Variants in PTPRD observed in about 807,000 individuals in gnomAD.
The protein encoded by PTPRD is receptor-type tyrosine-protein phosphatase delta.
PTPRD carries 34 observed loss-of-function variants against 214.5 expected under a neutral mutation model. The observed-to-expected ratio is 0.16, with a 90% CI of 0.12 to 0.21. The LOEUF (loss-of-function observed/expected upper bound fraction) is 0.21, where lower values mean the gene tolerates loss of function less well. Ranked by LOEUF, PTPRD falls within the 10% of genes least tolerant of loss-of-function variation. The pLI is 1.00. For synonymous variants in PTPRD, 1,128 were observed against 845.7 expected (o/e 1.33, Z -5.79); for missense variants, 2,545 against 2,398.7 (o/e 1.06, Z -1.27).
At chr9:10,407,105 A>T (rs771051960) in intron 2 of PTPRD, among the ~76,000 whole-genome samples, 6 of 151,758 alleles carry the variant, frequency 4.0e-5, no homozygotes, top group Non-Finnish European at 8.9e-5. Context: ...CAACAAATTT[A>T]AAAAATGCCA....
chr9:10,439,654 C>G (rs551611434), intron 2 of PTPRD, among the ~76,000 whole-genome samples: 1 of 151,196 alleles, frequency 6.6e-6, no homozygotes, highest in African/African-American at 2.4e-5. Flanking sequence ...TAAAAAAGAA[C>G]AAAATAACAA....
intron 4 of PTPRD, among the ~76,000 whole-genome samples, chr9:9,962,497 C>T (rs1418581711): frequency 1.3e-5 from 2 of 151,966 alleles, no homozygotes; most frequent in East Asian, 3.9e-4. Flanking sequence ...ATTTAAAGCA[C>T]AATTCACCCA....
At chr9:8,513,986 A>T (rs1205377193) in intron 21 of PTPRD, among the ~76,000 whole-genome samples, 2 of 152,134 alleles carry the variant, frequency 1.3e-5, no homozygotes, top group Non-Finnish European at 2.9e-5. Context: ...AGTTAAACAG[A>T]GTGGGAATAA....
At chr9:8,538,901 G>C (rs891128205) in intron 14 of PTPRD, among the ~76,000 whole-genome samples, 4 of 151,848 alleles carry the variant, frequency 2.6e-5, no homozygotes, top group Admixed American at 1.3e-4. Context: ...AAACTCCTTA[G>C]AGAAATCACT....
intron 35 of PTPRD, among the ~76,000 whole-genome samples, chr9:8,424,231 C>A (rs780214435): frequency 6.6e-6 from 1 of 152,116 alleles, no homozygotes; most frequent in Non-Finnish European, 1.5e-5. Context: ...ATCACCTTAA[C>A]AGATAAGTTA....
In PTPRD at chr9:9,423,437, A is replaced by G. The variant is rs138349338; in HGVS notation, c.-236-25955T>C. 5.6e-4 allele frequency among the ~76,000 whole-genome samples: 85 copies of G among 152,272 alleles called. 1 individual carries two copies. The highest frequency in any genetic ancestry group is 1.9e-3 in the African/African-American group (78 of 41,562). On this transcript the variant is annotated intron_variant, in intron 8 of 45. Coordinates refer to ENST00000381196, the MANE Select transcript of PTPRD (RefSeq NM_002839.4). ...TCTTGATCTTGGACTTCTCAGCCTCAAGGATTTGAGGAATAAATTCCTGTT... is the reference window on the plus strand; with the variant it reads ...TCTTGATCTTGGACTTCTCAGCCTCGAGGATTTGAGGAATAAATTCCTGTT...
intron 6 of PTPRD, among the ~76,000 whole-genome samples, chr9:9,753,015 C>G (rs2098536456): frequency 1.3e-5 from 2 of 152,100 alleles, no homozygotes; most frequent in Non-Finnish European, 2.9e-5. Context: ...TTAAAACAAG[C>G]TGCCCCCTTT....
At chr9:8,932,597 C>T (rs565714915) in intron 11 of PTPRD, among the ~76,000 whole-genome samples, 1 of 152,184 alleles carries the variant, frequency 6.6e-6, no homozygotes, top group Non-Finnish European at 1.5e-5. Context: ...GAGATTCAGT[C>T]TGGCTACAAC....
chr9:8,552,836 T>C (rs539202413), intron 14 of PTPRD, among the ~76,000 whole-genome samples: 1 of 152,298 alleles, frequency 6.6e-6, no homozygotes, highest in African/African-American at 2.4e-5. Flanking sequence ...CACAAGTAGA[T>C]ACTTGGCAAG....
intron 9 of PTPRD, among the ~76,000 whole-genome samples, chr9:9,272,484 C>A (rs1015597634): frequency 4.6e-5 from 7 of 151,206 alleles, no homozygotes; most frequent in Non-Finnish European, 7.4e-5. Flanking sequence ...ATCCCCCGAT[C>A]CTGATCACAG....
intron 2 of PTPRD, among the ~76,000 whole-genome samples, chr9:10,401,600 G>C (rs2098270622): frequency 6.8e-6 from 1 of 147,622 alleles, no homozygotes; most frequent in Non-Finnish European, 1.5e-5. Flanking sequence ...CATACAGTAT[G>C]TCTGTGATAT....
chr9:10,135,935 A>C (rs1402349748), intron 3 of PTPRD, among the ~76,000 whole-genome samples: 1 of 144,652 alleles, frequency 6.9e-6, no homozygotes, highest in Non-Finnish European at 1.5e-5. Context: ...CAGAATTGTA[A>C]GTTGAATTAA....
intron 7 of PTPRD, among the ~76,000 whole-genome samples, chr9:9,708,617 G>A (rs1486235516): frequency 6.6e-6 from 1 of 151,800 alleles, no homozygotes; most frequent in Non-Finnish European, 1.5e-5. Flanking sequence ...GTATTTCACG[G>A]TTTTCCTAGT....
intron 11 of PTPRD, among the ~76,000 whole-genome samples, chr9:8,811,135 A>T (rs1207317030): frequency 3.3e-5 from 5 of 152,188 alleles, no homozygotes; most frequent in Non-Finnish European, 2.9e-5. Flanking sequence ...CCAGCAACTA[A>T]GAAAAACTGT....
chr9:8,460,380 A>C, intron 33 of PTPRD, 31 bp downstream of exon 33: 1 of 1,608,374 alleles, frequency 6.2e-7, no homozygotes, highest in Non-Finnish European at 8.5e-7. Flanking sequence ...GCAGCCTCCA[A>C]AATTACAACA....
chr9:8,568,242 G>T lies in PTPRD; in HGVS notation c.353-39463C>A, dbSNP rs2090014465. 1.3e-5 allele frequency among the ~76,000 whole-genome samples: 2 copies of T among 152,036 alleles called. 1 individual carries two copies. The highest frequency in any genetic ancestry group is 4.2e-4 in the South Asian group (2 of 4,814). The stretch of plus-strand genomic sequence containing the variant: ...TTAATACCATTTATCAAAACCTTAG[G>T]GAGTTATTCTTTGGGTCTCCAAATC... On this transcript the variant is annotated intron_variant, in intron 14 of 45. Coordinates refer to ENST00000381196, the MANE Select transcript of PTPRD (RefSeq NM_002839.4).
chr9:8,846,355 G>T lies in PTPRD; in HGVS notation c.-103-112409C>A, dbSNP rs116216487. 1.6e-3 allele frequency among the ~76,000 whole-genome samples: 242 copies of T among 152,270 alleles called. 1 individual carries two copies. The highest frequency in any genetic ancestry group is 5.7e-3 in the African/African-American group (236 of 41,556). The stretch of plus-strand genomic sequence containing the variant: ...CATCCCAATATTACTATTGCACCGA[G>T]CCAGGCCATGTAGTAGGAGCTGGAG... On this transcript the variant is annotated intron_variant, in intron 11 of 45. Transcript: ENST00000381196.
chr9:8,943,170 T>G (rs2099043834), intron 11 of PTPRD, among the ~76,000 whole-genome samples: 1 of 152,070 alleles, frequency 6.6e-6, no homozygotes, highest in Admixed American at 6.6e-5. Context: ...TGTTCATGGA[T>G]TGAAAGTATC....
intron 3 of PTPRD, among the ~76,000 whole-genome samples, chr9:10,253,275 GA>G (rs1212907648): frequency 6.6e-6 from 1 of 152,174 alleles, no homozygotes; most frequent in East Asian, 1.9e-4. Context: ...GGTCTTCACA[GA>G]ATGGAATCCT....
Sources: gnomAD v4.1 joint callset for allele counts (sites outside exome capture counted in the v4.1 genomes callset) on GRCh38, gnomAD v4.1.1 for gene constraint, MANE v1.5 for transcripts, NCBI Gene and HGNC (gene_info 2026-07-23, HGNC 2026-07-21) for gene names.